The following YIPF1 variants were observed in gnomAD, a reference collection of about 807,000 sequenced individuals.
YIPF1 encodes Yip1 domain family member 1.
A neutral mutation model predicts 37.0 loss-of-function variants in YIPF1; 22 were observed. The ratio of observed to expected loss-of-function variants is 0.59; its 90% CI spans 0.42 to 0.85. YIPF1 has a LOEUF of 0.85. Ranked by LOEUF, YIPF1 falls within the 40% of genes least tolerant of loss-of-function variation. The pLI is 0.00. For missense variants in YIPF1, 355 were observed against 373.1 expected (o/e 0.95, Z 0.40); for synonymous variants, 128 against 131.9 (o/e 0.97, Z 0.21).
rs759799125 is a variant in YIPF1, at chr1:53,860,146, A to G, written c.839T>C (p.Phe280Ser). The change falls in exon 10 of 11, where the codon TTT becomes TCT. Residue 280 changes from phenylalanine (F) to serine (S), a missense_variant. Phe to Ser is a radical substitution (Grantham distance 155). Transcript: ENST00000072644. ...MLLSVGCLAY[F>S]FDAPEMDHLP... ...ATGGTCCATCTCTGGTGCATCAAAA[A>G]AGTATGCCTGTGGGGAAAAAAAGAC... 6.2e-7 allele frequency: 1 copy of G among 1,614,066 alleles called. No individual in the cohort carries two copies. The highest frequency in any genetic ancestry group is 1.1e-5 in the South Asian group (1 of 91,084).
At chr1:53,881,700 C>T (rs1464898451) in intron 4 of YIPF1, among the ~76,000 whole-genome samples, 4 of 152,086 alleles carry the variant, frequency 2.6e-5, no homozygotes, top group African/African-American at 9.7e-5. Context: ...ATTAAAAAGT[C>T]AAGAAACAAC....
chr1:53,855,355 G>C (rs1160855959), intron 10 of YIPF1, among the ~76,000 whole-genome samples: 1 of 151,968 alleles, frequency 6.6e-6, no homozygotes, highest in Non-Finnish European at 1.5e-5. Context: ...CCCAGGTACA[G>C]TTTCCAGGCT....
intron 9 of YIPF1, among the ~76,000 whole-genome samples, chr1:53,860,762 A>G (rs542456753): frequency 2.6e-5 from 4 of 152,244 alleles, no homozygotes; most frequent in Non-Finnish European, 4.4e-5. Flanking sequence ...TCAGCTGGGA[A>G]ATGAAAGGTT....
At chr1:53,874,397 A>G (rs1010303228) in intron 6 of YIPF1, among the ~76,000 whole-genome samples, 1 of 152,218 alleles carries the variant, frequency 6.6e-6, no homozygotes, top group African/African-American at 2.4e-5. Context: ...GCATTTTTAT[A>G]TTATGAAATA....
intron 10 of YIPF1, among the ~76,000 whole-genome samples, chr1:53,858,305 T>C (rs2100719084): frequency 6.6e-6 from 1 of 152,282 alleles, no homozygotes; most frequent in Admixed American, 6.5e-5. Context: ...ACCAGTCATA[T>C]CTAGTCAACC....
chr1:53,860,611 C>T (rs1228873701), intron 9 of YIPF1, among the ~76,000 whole-genome samples: 1 of 152,184 alleles, frequency 6.6e-6, no homozygotes, highest in East Asian at 1.9e-4. Flanking sequence ...TCACCAGCAC[C>T]CCTGCACAGG....
At chr1:53,879,238 G>A (rs529189840) in intron 4 of YIPF1, among the ~76,000 whole-genome samples, 25 of 151,946 alleles carry the variant, frequency 1.6e-4, no homozygotes, top group African/African-American at 5.8e-4. Context: ...GGGACTACAC[G>A]CGTACACCAC....
chr1:53,868,993 T>C (rs950283617), intron 7 of YIPF1, among the ~76,000 whole-genome samples: 4 of 152,204 alleles, frequency 2.6e-5, no homozygotes, highest in African/African-American at 4.8e-5. Flanking sequence ...TCATGGTTAA[T>C]ATTTACTGAA....
intron 6 of YIPF1, among the ~76,000 whole-genome samples, chr1:53,876,279 G>A (rs1408464168): frequency 6.6e-6 from 1 of 151,972 alleles, no homozygotes; most frequent in African/African-American, 2.4e-5. Flanking sequence ...TATATGCATT[G>A]GAAGTATGTC....
chr1:53,853,783 T>A (rs993896229), intron 10 of YIPF1, among the ~76,000 whole-genome samples: 2 of 152,226 alleles, frequency 1.3e-5, no homozygotes, highest in African/African-American at 4.8e-5. Context: ...ATCAGCCTTT[T>A]AGTAACCATC....
At chr1:53,876,491 T>C (rs1436690327) in intron 6 of YIPF1, among the ~76,000 whole-genome samples, 1 of 152,234 alleles carries the variant, frequency 6.6e-6, no homozygotes, top group African/African-American at 2.4e-5. Context: ...TTCACCTATA[T>C]TGTACCTTCT....
chr1:53,868,580 AC>A (rs1650093300), intron 7 of YIPF1, among the ~76,000 whole-genome samples: 1 of 152,228 alleles, frequency 6.6e-6, no homozygotes, highest in Non-Finnish European at 1.5e-5. Flanking sequence ...TTTATTTCAT[AC>A]AATCTATATT....
intron 10 of YIPF1, among the ~76,000 whole-genome samples, chr1:53,857,354 C>G (rs184226591): frequency 1.9e-4 from 29 of 152,298 alleles, no homozygotes; most frequent in East Asian, 3.9e-4. Context: ...TAATACAGCA[C>G]GCAAACTCTC....
chr1:53,867,589 G>C (rs1650066387), intron 7 of YIPF1, among the ~76,000 whole-genome samples: 1 of 151,874 alleles, frequency 6.6e-6, no homozygotes, highest in South Asian at 2.1e-4. Flanking sequence ...AGCCAGGATG[G>C]TCCTGACCTC....
At chr1:53,867,610 C>T (rs376259277) in intron 7 of YIPF1, among the ~76,000 whole-genome samples, 19 of 151,930 alleles carry the variant, frequency 1.3e-4, no homozygotes, top group African/African-American at 3.6e-4. Flanking sequence ...GTGATCCGCC[C>T]GCCTCCGCCT....
chr1:53,855,980 A>G (rs771530629), intron 10 of YIPF1, among the ~76,000 whole-genome samples: 7 of 152,180 alleles, frequency 4.6e-5, no homozygotes, highest in Non-Finnish European at 1.0e-4. Flanking sequence ...AAGGTAGGTT[A>G]CTGGTGAGAT....
chr1:53,866,143 G>A (rs1284072782), intron 9 of YIPF1, 57 bp downstream of exon 9: 31 of 1,571,814 alleles, frequency 2.0e-5, no homozygotes, highest in Non-Finnish European at 2.4e-5. Flanking sequence ...AACAGTTTGA[G>A]GTCTTTTAGC....
intron 6 of YIPF1, among the ~76,000 whole-genome samples, chr1:53,872,308 G>A (rs1005929795): frequency 2.6e-5 from 4 of 152,060 alleles, no homozygotes; most frequent in Non-Finnish European, 4.4e-5. Context: ...GCAAATGCAT[G>A]TGTATATGTG....
intron 6 of YIPF1, among the ~76,000 whole-genome samples, chr1:53,872,241 A>C (rs1650212599): frequency 6.6e-6 from 1 of 152,132 alleles, no homozygotes; most frequent in Non-Finnish European, 1.5e-5. Flanking sequence ...CCTAAAGCTC[A>C]CCAAAGTAAG....
Sources: allele counts gnomAD v4.1 joint callset (sites outside exome capture counted in the v4.1 genomes callset), GRCh38; gene constraint gnomAD v4.1.1; transcripts MANE v1.5; gene names NCBI Gene and HGNC (gene_info 2026-07-23, HGNC 2026-07-21).